ERC2: variants seen among roughly 807,000 people sequenced by gnomAD.
The protein encoded by ERC2 is ERC protein 2.
A neutral mutation model predicts 114.8 loss-of-function variants in ERC2; 42 were observed. The observed-to-expected ratio is 0.37, with a 90% confidence interval of 0.29 to 0.47. The LOEUF is 0.47. Among genes scored for constraint, ERC2 ranks in the 20% least tolerant of loss-of-function variants. The pLI is 0.99. For synonymous variants in ERC2, 454 were observed against 425.5 expected, an observed-to-expected ratio of 1.07 and a Z score of -0.82; for missense variants, 939 against 1,150.7, an observed-to-expected ratio of 0.82 and a Z score of 2.66.
intron 5 of ERC2, 21 bp downstream of exon 5, chr3:56,148,956 G>A (rs1211228895): frequency 9.3e-6 from 15 of 1,608,580 alleles, no homozygotes; most frequent in Non-Finnish European, 1.3e-5. Context: ...GAACATAAAA[G>A]TTTATAACCC....
intron 14 of ERC2, among the ~76,000 whole-genome samples, chr3:55,745,526 G>A (rs1298585585): frequency 6.6e-6 from 1 of 152,182 alleles, no homozygotes; most frequent in Non-Finnish European, 1.5e-5. Context: ...GTTAGATGAT[G>A]GTGCTTGGTC....
intron 14 of ERC2, among the ~76,000 whole-genome samples, chr3:55,763,304 G>A (rs909594054): frequency 1.3e-5 from 2 of 152,202 alleles, no homozygotes; most frequent in African/African-American, 2.4e-5. Context: ...TTTTAGAGAG[G>A]TGGAATGTGG....
At chr3:55,606,735 A>T (rs2148548075) in intron 17 of ERC2, 1 of 152,462 alleles carries the variant, frequency 6.6e-6, no homozygotes, top group East Asian at 1.9e-4. Context: ...AGCACCCAGC[A>T]TTTGCCGTTA....
chr3:55,849,341 G>A (rs1381968102), intron 14 of ERC2, among the ~76,000 whole-genome samples: 1 of 152,166 alleles, frequency 6.6e-6, no homozygotes, highest in Non-Finnish European at 1.5e-5. Context: ...AGTGTTCAAT[G>A]TATTCCCAGG....
chr3:56,173,223 A>G (rs528364804), intron 4 of ERC2, among the ~76,000 whole-genome samples: 23 of 152,176 alleles, frequency 1.5e-4, no homozygotes, highest in Non-Finnish European at 2.5e-4. Context: ...CTTTCAGCCA[A>G]TGGATTCTCG....
At chr3:55,753,164 T>C (rs563431718) in intron 14 of ERC2, among the ~76,000 whole-genome samples, 2 of 152,214 alleles carry the variant, frequency 1.3e-5, no homozygotes, top group African/African-American at 4.8e-5. Context: ...TGCTCCTGGA[T>C]GGGCTGTGAT....
At chr3:56,392,381 A>G (rs2060159598) in intron 2 of ERC2, among the ~76,000 whole-genome samples, 1 of 152,164 alleles carries the variant, frequency 6.6e-6, no homozygotes, top group South Asian at 2.1e-4. Context: ...GCTACCACCA[A>G]AAGTATCCTC....
chr3:56,327,064 T>C (rs986165957), intron 2 of ERC2, among the ~76,000 whole-genome samples: 1 of 152,234 alleles, frequency 6.6e-6, no homozygotes, highest in African/African-American at 2.4e-5. Context: ...CTCCACCTGC[T>C]GACCAGTTAC....
chr3:55,819,727 C>A (rs888637622), intron 14 of ERC2, among the ~76,000 whole-genome samples: 1 of 152,198 alleles, frequency 6.6e-6, no homozygotes. Context: ...ACGGCAGAGA[C>A]AAGTGCCGCT....
chr3:56,261,746 G>A lies in ERC2; in HGVS notation c.1074+34273C>T, dbSNP rs1481398961. Reference sequence around the variant, plus strand: ...GTTCAGGGGTACTTGTGCAGGATGTGTAGGTTTGTTACATAGGTAAACTTG... The same window carrying A: ...GTTCAGGGGTACTTGTGCAGGATGTATAGGTTTGTTACATAGGTAAACTTG... On this transcript the variant is annotated intron_variant, in intron 3 of 17. Transcript: ENST00000288221. 2.6e-5 allele frequency among the ~76,000 whole-genome samples: 4 copies of A among 152,134 alleles called. 1 individual carries two copies. Among genetic ancestry groups the A allele is most frequent in the South Asian group, 2.1e-4 (1 of 4,832 alleles).
chr3:55,550,741 G>A (rs2055109555), intron 17 of ERC2, among the ~76,000 whole-genome samples: 1 of 152,144 alleles, frequency 6.6e-6, no homozygotes, highest in Non-Finnish European at 1.5e-5. Flanking sequence ...TAGGGGCCGG[G>A]CGCAGTGGCT....
Position 55,617,118 on chromosome 3 carries a change from G to A in ERC2, c.*39+66676C>T, listed in dbSNP as rs186968501. 5.9e-5 allele frequency among the ~76,000 whole-genome samples: 9 copies of A among 152,310 alleles called. No homozygotes were observed. In the East Asian group the frequency reaches 1.7e-3, roughly 29 times the overall value. On this transcript the variant is annotated intron_variant, in intron 17 of 17. Coordinates refer to ENST00000288221, the MANE Select transcript of ERC2 (RefSeq NM_015576.3). ...AGATCAGCCTGGCTGGGGAGACTCT[G>A]AGAACTCAGAGGGACCAGAGGACTT...
intron 7 of ERC2, among the ~76,000 whole-genome samples, chr3:56,041,523 T>C (rs892649463): frequency 3.9e-5 from 6 of 152,180 alleles, no homozygotes; most frequent in African/African-American, 1.4e-4. Context: ...TAAATCCCAG[T>C]TGGGCTTCTC....
intron 14 of ERC2, among the ~76,000 whole-genome samples, chr3:55,866,983 T>C (rs1348016854): frequency 6.6e-6 from 1 of 152,204 alleles, no homozygotes. Context: ...TATACAATGA[T>C]ATAATTGTCT....
intron 3 of ERC2, among the ~76,000 whole-genome samples, chr3:56,269,419 G>A (rs1004367654): frequency 1.5e-4 from 23 of 152,310 alleles, no homozygotes; most frequent in African/African-American, 5.5e-4. Context: ...CCTCATGGGT[G>A]AGTCTGCTCA....
intron 3 of ERC2, among the ~76,000 whole-genome samples, chr3:56,262,378 T>C (rs1200988554): frequency 6.6e-6 from 1 of 152,182 alleles, no homozygotes; most frequent in African/African-American, 2.4e-5. Context: ...CAAGTGAGGA[T>C]CTGCTGAGCT....
intron 14 of ERC2, among the ~76,000 whole-genome samples, chr3:55,757,935 AT>A (rs1333287174): frequency 1.3e-5 from 2 of 151,036 alleles, no homozygotes; most frequent in Non-Finnish European, 1.5e-5. Flanking sequence ...GATAAATATC[AT>A]ATATATATAT....
rs2061036921 is a variant in ERC2, at chr3:55,839,482, C to T, written c.2564+48907G>A. ...CTTCTAATTAGCCATTTAAAACAAACCTAATAAAAATGTATTGTGGGGTTA... is the reference window on the plus strand; with the variant it reads ...CTTCTAATTAGCCATTTAAAACAAATCTAATAAAAATGTATTGTGGGGTTA... On this transcript the variant is annotated intron_variant, in intron 14 of 17. Transcript: ENST00000288221. 4.0e-5 allele frequency among the ~76,000 whole-genome samples: 6 copies of T among 151,516 alleles called. No individual in the cohort carries two copies. The South Asian group carries it at 1.3e-3, about 32-fold the overall frequency.
intron 6 of ERC2, among the ~76,000 whole-genome samples, chr3:56,086,115 T>G (rs918198911): frequency 1.3e-5 from 2 of 152,182 alleles, no homozygotes; most frequent in Non-Finnish European, 2.9e-5. Flanking sequence ...TTTTAACTTT[T>G]ATGTCTCTAC....
Sources: gnomAD v4.1 joint callset for allele counts (sites outside exome capture counted in the v4.1 genomes callset) on GRCh38, gnomAD v4.1.1 for gene constraint, MANE v1.5 for transcripts, NCBI Gene and HGNC (gene_info 2026-07-23, HGNC 2026-07-21) for gene names.